The following TLK1 variants were observed in gnomAD, a reference collection of about 807,000 sequenced individuals.
The protein encoded by TLK1 is serine/threonine-protein kinase tousled-like 1.
Under a neutral mutation model 105.3 loss-of-function variants are expected in TLK1, and 24 were observed. The ratio of observed to expected loss-of-function variants is 0.23; its 90% CI spans 0.17 to 0.32. TLK1 has a LOEUF of 0.32. TLK1 is among the 10% of genes least tolerant of loss of function. The pLI, the probability that TLK1 is intolerant of heterozygous loss-of-function variation, is 1.00. For synonymous variants in TLK1, 321 were observed against 310.4 expected, an observed-to-expected ratio of 1.03 and a Z score of -0.36; for missense variants, 558 against 910.5, an observed-to-expected ratio of 0.61 and a Z score of 4.98.
intron 2 of TLK1, among the ~76,000 whole-genome samples, chr2:171,093,567 A>AGTG (rs1689330205): frequency 6.6e-6 from 1 of 152,194 alleles, no homozygotes; most frequent in Non-Finnish European, 1.5e-5. Flanking sequence ...AAAGATGGAA[A>AGTG]GTGGGGCATG....
chr2:171,087,698 A>G (rs1163016502), intron 2 of TLK1, among the ~76,000 whole-genome samples: 1 of 152,224 alleles, frequency 6.6e-6, no homozygotes, highest in Non-Finnish European at 1.5e-5. Flanking sequence ...CCAAAGATAA[A>G]GAAAACAATC....
intron 1 of TLK1, among the ~76,000 whole-genome samples, chr2:171,144,716 A>T (rs1691721635): frequency 6.6e-6 from 1 of 152,168 alleles, no homozygotes; most frequent in Non-Finnish European, 1.5e-5. Context: ...AAAAACAGAA[A>T]ATATGGGAAA....
At chr2:171,073,433 T>C (rs1317913317) in intron 3 of TLK1, among the ~76,000 whole-genome samples, 1 of 152,120 alleles carries the variant, frequency 6.6e-6, no homozygotes, top group Non-Finnish European at 1.5e-5. Flanking sequence ...AGAACTCAAC[T>C]AGACAGAATA....
chr2:171,091,173 A>G (rs1354413137), intron 2 of TLK1, among the ~76,000 whole-genome samples: 1 of 152,234 alleles, frequency 6.6e-6, no homozygotes, highest in Admixed American at 6.5e-5. Context: ...TAGAGACCAC[A>G]TGACCTACAG....
At chr2:171,140,343 T>TA (rs1691522336) in intron 1 of TLK1, among the ~76,000 whole-genome samples, 1 of 152,170 alleles carries the variant, frequency 6.6e-6, no homozygotes, top group African/African-American at 2.4e-5. Context: ...AAACTCTACT[T>TA]CTAGAGATCA....
At chr2:171,220,719 GT>G (rs575263049) in intron 1 of TLK1, among the ~76,000 whole-genome samples, 31 of 144,772 alleles carry the variant, frequency 2.1e-4, no homozygotes, top group Admixed American at 1.2e-3. Flanking sequence ...GATAGTGTTT[GT>G]TTTTTTTTTT....
chr2:171,197,580 A>C (rs1693298770), intron 1 of TLK1, among the ~76,000 whole-genome samples: 2 of 152,166 alleles, frequency 1.3e-5, no homozygotes, highest in South Asian at 4.1e-4. Flanking sequence ...GGAGTTCGAG[A>C]CCAGCCTGGC....
intron 12 of TLK1, among the ~76,000 whole-genome samples, chr2:171,015,526 T>C (rs1302128840): frequency 6.7e-6 from 1 of 149,922 alleles, no homozygotes; most frequent in Admixed American, 6.7e-5. Context: ...ATTGCTGTAG[T>C]AGACTCTAAG....
intron 4 of TLK1, chr2:171,059,874 C>T (rs904771295): frequency 7.5e-6 from 7 of 930,184 alleles, no homozygotes; most frequent in Admixed American, 3.4e-5. Flanking sequence ...TGCCGCTGAT[C>T]TGACAGGAGG....
At chr2:171,191,726 C>T (rs58712847) in intron 1 of TLK1, among the ~76,000 whole-genome samples, 13,915 of 152,144 alleles carry the variant, frequency 0.091, 1,293 homozygotes, top group East Asian at 0.29. Context: ...TTCCTAAGAA[C>T]TCCTCTTTTT....
intron 2 of TLK1, among the ~76,000 whole-genome samples, chr2:171,112,023 C>A (rs1052443848): frequency 1.3e-5 from 2 of 152,174 alleles, no homozygotes; most frequent in Non-Finnish European, 2.9e-5. Flanking sequence ...ATGACCCTGG[C>A]GCACTGCAAC....
At chr2:171,079,279 TGAAG>T (rs1688645460) in intron 3 of TLK1, among the ~76,000 whole-genome samples, 1 of 152,212 alleles carries the variant, frequency 6.6e-6, no homozygotes, top group Non-Finnish European at 1.5e-5. Context: ...ATCTCTTCTT[TGAAG>T]GAAGACCTCT....
At chr2:171,096,731 C>G (rs1689469364) in intron 2 of TLK1, among the ~76,000 whole-genome samples, 1 of 148,760 alleles carries the variant, frequency 6.7e-6, no homozygotes, top group South Asian at 2.1e-4. Context: ...GCACTCCAGC[C>G]TGGGTGACAG....
chr2:171,034,821 G>A (rs576798372), intron 11 of TLK1, among the ~76,000 whole-genome samples: 8 of 152,142 alleles, frequency 5.3e-5, no homozygotes, highest in Admixed American at 2.0e-4. Flanking sequence ...TTCCTTTGAA[G>A]AGTCCAAACG....
intron 1 of TLK1, among the ~76,000 whole-genome samples, chr2:171,203,469 T>C (rs1219175450): frequency 6.6e-6 from 1 of 152,240 alleles, no homozygotes; most frequent in Non-Finnish European, 1.5e-5. Flanking sequence ...GACTGGCTTA[T>C]GTAATGTATC....
intron 2 of TLK1, among the ~76,000 whole-genome samples, chr2:171,112,731 T>C (rs1230096748): frequency 1.3e-5 from 2 of 152,042 alleles, no homozygotes; most frequent in South Asian, 2.1e-4. Flanking sequence ...GACTGCCAGA[T>C]ACAAGACCAA....
intron 2 of TLK1, among the ~76,000 whole-genome samples, chr2:171,084,627 G>C (rs1414528530): frequency 6.6e-6 from 1 of 152,008 alleles, no homozygotes; most frequent in African/African-American, 2.4e-5. Flanking sequence ...AATTATGCAG[G>C]TCATAAAGGT....
At chr2:171,118,173 A>G (rs1313628638) in intron 1 of TLK1, among the ~76,000 whole-genome samples, 1 of 152,200 alleles carries the variant, frequency 6.6e-6, no homozygotes, top group Non-Finnish European at 1.5e-5. Flanking sequence ...CAGTAGTAAG[A>G]GTCCTGTACA....
rs140189807 is a variant in TLK1, at chr2:171,058,924, T to C, written c.407-727A>G. Among the ~76,000 whole-genome samples the C allele has an allele frequency of 3.7e-4, 57 of 152,344 alleles. 1 individual carries two copies. In the East Asian group the frequency reaches 4.6e-3, roughly 12 times the overall value. ...GCTTTGCTTAATATAAACATACATATATTTGTTAATTCAATGCTGACTTAT... is the reference window on the plus strand; with the variant it reads ...GCTTTGCTTAATATAAACATACATACATTTGTTAATTCAATGCTGACTTAT... On this transcript the variant is annotated intron_variant, in intron 4 of 20. Coordinates refer to ENST00000431350, the MANE Select transcript of TLK1 (RefSeq NM_012290.5).
Sources: gnomAD v4.1 joint callset for allele counts (sites outside exome capture counted in the v4.1 genomes callset) on GRCh38, gnomAD v4.1.1 for gene constraint, MANE v1.5 for transcripts, NCBI Gene and HGNC (gene_info 2026-07-23, HGNC 2026-07-21) for gene names.